Variants in GLIS3 observed in about 807,000 individuals in gnomAD.
GLIS3 encodes the protein zinc finger protein GLIS3.
In GLIS3, 53 loss-of-function variants were observed where a neutral mutation model predicts 78.6. That is an observed-to-expected ratio of 0.67 (90% confidence interval 0.54 to 0.85). The LOEUF (loss-of-function observed/expected upper bound fraction) is 0.85, where lower values mean the gene tolerates loss of function less well. Ranked by LOEUF, GLIS3 falls within the 40% of genes least tolerant of loss-of-function variation. GLIS3 has a pLI of 0.00. For missense variants in GLIS3, 1,703 were observed against 1,231.1 expected (o/e 1.38, Z -5.74); for synonymous variants, 684 against 509.9 (o/e 1.34, Z -4.60).
In GLIS3 at chr9:4,118,743, G is replaced by A. The variant is rs1324504889; in HGVS notation, c.735C>T (p.Gly245=). The A allele has an allele frequency of 6.2e-7, 1 of 1,613,818 alleles. No individual in the cohort carries two copies. The highest frequency in any genetic ancestry group is 8.5e-7 in the Non-Finnish European group (1 of 1,180,000). Residue 245 remains glycine (G), a synonymous_variant, in exon 4 of 11, where the codon GGC becomes GGT. Coordinates refer to ENST00000381971, the MANE Select transcript of GLIS3 (RefSeq NM_001042413.2). This position sits in a 1 kb window ranked among gnomAD's most constrained non-coding sequence, Gnocchi z 4.7. ...PSLSNHGSQN[G]LDLGDLLSLP... ...GGCTAAGGAGATCCCCTAGATCAAG[G>A]CCATTCTGAGAGCCGTGGTTGGAGA...
At chr9:4,217,235 G>A (rs147708253) in intron 2 of GLIS3, among the ~76,000 whole-genome samples, 1 of 152,310 alleles carries the variant, frequency 6.6e-6, no homozygotes, top group African/African-American at 2.4e-5. Flanking sequence ...TGTGTGCTGG[G>A]AAGAACATAG....
At chr9:4,313,321 G>A (rs1292483527) in intron 2 of GLIS3, among the ~76,000 whole-genome samples, 9 of 152,132 alleles carry the variant, frequency 5.9e-5, no homozygotes, top group Admixed American at 1.3e-4. Flanking sequence ...TTCTTTCTCA[G>A]CCATTGCTGC....
In GLIS3 at chr9:3,884,492, A is replaced by G. The variant is rs141318705; in HGVS notation, c.2129-4897T>C. 1.7e-3 allele frequency among the ~76,000 whole-genome samples: 254 copies of G among 152,246 alleles called. 2 individuals carry two copies. The highest frequency in any genetic ancestry group is 3.4e-3 in the Middle Eastern group (1 of 294). ...TCAAGCTTTAATGTGCAAATAAATC[A>G]TCAAGGTAAAATACAGATTCTGACT... On this transcript the variant is annotated intron_variant, in intron 7 of 10. Transcript: ENST00000381971.
At chr9:4,441,473 G>T in the GLIS3 span, among the ~76,000 whole-genome samples, 1 of 152,148 alleles carries the variant, frequency 6.6e-6, no homozygotes, top group Non-Finnish European at 1.5e-5. Flanking sequence ...TCATTTGCCT[G>T]GAGTGGATTC....
At chr9:4,245,370 C>T (rs1563821679) in intron 2 of GLIS3, among the ~76,000 whole-genome samples, 2 of 152,164 alleles carry the variant, frequency 1.3e-5, no homozygotes, top group African/African-American at 4.8e-5. Context: ...GACCCAAATT[C>T]GGGTGCGAAC....
intron 4 of GLIS3, among the ~76,000 whole-genome samples, chr9:3,979,948 G>C (rs1227246312): frequency 6.6e-6 from 1 of 152,178 alleles, no homozygotes; most frequent in Admixed American, 6.5e-5. Flanking sequence ...GTAAGGAACG[G>C]CAGATAACGG....
At chr9:4,100,920 C>G (rs1008739207) in intron 4 of GLIS3, among the ~76,000 whole-genome samples, 1 of 152,084 alleles carries the variant, frequency 6.6e-6, no homozygotes, top group African/African-American at 2.4e-5. Context: ...TCAGGGAACA[C>G]AAAATAAATG....
intron 9 of GLIS3, among the ~76,000 whole-genome samples, chr9:3,834,730 C>T (rs1818250330): frequency 6.6e-6 from 1 of 152,050 alleles, no homozygotes; most frequent in African/African-American, 2.4e-5. Flanking sequence ...GCAAATTTGC[C>T]ACTTCAATCT....
At chr9:4,486,589 G>A in the GLIS3 span, among the ~76,000 whole-genome samples, 1 of 152,186 alleles carries the variant, frequency 6.6e-6, no homozygotes, top group Non-Finnish European at 1.5e-5. Flanking sequence ...TCTCCCGTGT[G>A]TATACGTTCA....
chr9:4,463,422 C>A, the GLIS3 span, among the ~76,000 whole-genome samples: 2 of 152,272 alleles, frequency 1.3e-5, no homozygotes, highest in African/African-American at 2.4e-5. Flanking sequence ...GCTCTCTCAC[C>A]CAACCCTCTC....
intron 4 of GLIS3, among the ~76,000 whole-genome samples, chr9:4,010,235 T>G (rs1479333551): frequency 1.3e-5 from 2 of 152,178 alleles, no homozygotes; most frequent in African/African-American, 2.4e-5. Context: ...CTTGGACTCT[T>G]GATCCCAACT....
chr9:4,042,561 T>C (rs1824909823), intron 4 of GLIS3, among the ~76,000 whole-genome samples: 1 of 152,190 alleles, frequency 6.6e-6, no homozygotes, highest in Non-Finnish European at 1.5e-5. Context: ...CCAAATCTTC[T>C]ACATCCACTG....
At chr9:3,833,388 C>G (rs892523219) in intron 9 of GLIS3, among the ~76,000 whole-genome samples, 1 of 152,204 alleles carries the variant, frequency 6.6e-6, no homozygotes, top group African/African-American at 2.4e-5. Flanking sequence ...GCCACACACA[C>G]AAATCCAGAG....
intron 2 of GLIS3, among the ~76,000 whole-genome samples, chr9:4,135,909 G>A (rs1202894965): frequency 6.6e-6 from 1 of 152,126 alleles, no homozygotes; most frequent in South Asian, 2.1e-4. Flanking sequence ...TTGCTATGTA[G>A]TGTTTTGTCA....
rs186688297 is a variant in GLIS3, at chr9:4,196,918, C to T, written c.389-70977G>A. Among the ~76,000 whole-genome samples, 27 of 152,290 alleles carry T rather than the reference C, an allele frequency of 1.8e-4. No homozygotes were observed. The East Asian group carries it at 5.0e-3, about 28-fold the overall frequency. ...AGCCTGTTCCCCTGAGATCATGGTGCAGTAGGGCCCTCTCCGCTCCACCCC... is the reference window on the plus strand; with the variant it reads ...AGCCTGTTCCCCTGAGATCATGGTGTAGTAGGGCCCTCTCCGCTCCACCCC... On this transcript the variant is annotated intron_variant, in intron 2 of 10. Coordinates refer to ENST00000381971, the MANE Select transcript of GLIS3 (RefSeq NM_001042413.2).
At chr9:3,940,764 G>A (rs1815829419) in intron 4 of GLIS3, among the ~76,000 whole-genome samples, 1 of 152,188 alleles carries the variant, frequency 6.6e-6, no homozygotes, top group Non-Finnish European at 1.5e-5. Context: ...GGGGCGTGGT[G>A]TGCAATGAGC....
At chr9:4,065,581 T>C (rs1398386615) in intron 4 of GLIS3, among the ~76,000 whole-genome samples, 2 of 152,208 alleles carry the variant, frequency 1.3e-5, no homozygotes, top group Non-Finnish European at 2.9e-5. Context: ...CAAACAGGCT[T>C]ATGAAAAACA....
chr9:4,369,558 G>T, the GLIS3 span, among the ~76,000 whole-genome samples: 1 of 152,194 alleles, frequency 6.6e-6, no homozygotes, highest in East Asian at 1.9e-4. Context: ...CTGAGAGTCA[G>T]AAGACTCAGG....
the GLIS3 span, among the ~76,000 whole-genome samples, chr9:4,452,918 C>T: frequency 6.6e-6 from 1 of 152,150 alleles, no homozygotes; most frequent in Non-Finnish European, 1.5e-5. Flanking sequence ...AACTATCCTA[C>T]AAGGCTACAG....
Sources: allele counts gnomAD v4.1 joint callset (sites outside exome capture counted in the v4.1 genomes callset), GRCh38; gene constraint gnomAD v4.1.1; non-coding constraint Gnocchi (gnomAD v3.1); transcripts MANE v1.5; gene names NCBI Gene and HGNC (gene_info 2026-07-23, HGNC 2026-07-21).